DNAH12: variants seen among roughly 807,000 people sequenced by gnomAD.
DNAH12 encodes axonemal beta dynein heavy chain 12.
A neutral mutation model predicts 371.5 loss-of-function variants in DNAH12; 285 were observed. The observed-to-expected ratio is 0.77, with a 90% CI of 0.70 to 0.85. The LOEUF (loss-of-function observed/expected upper bound fraction) is 0.85, where lower values mean the gene tolerates loss of function less well. Among genes scored for constraint, DNAH12 ranks in the 40% least tolerant of loss-of-function variants. The pLI is 0.00. For synonymous variants in DNAH12, 1,200 were observed against 1,213.0 expected, an observed-to-expected ratio of 0.99 and a Z score of 0.22; for missense variants, 3,611 against 3,689.4, an observed-to-expected ratio of 0.98 and a Z score of 0.55.
chr3:57,323,907 G>T (rs988178942), intron 62 of DNAH12, among the ~76,000 whole-genome samples: 1 of 152,156 alleles, frequency 6.6e-6, no homozygotes, highest in African/African-American at 2.4e-5. Context: ...TTATAGCAGA[G>T]ATTGCATATT....
Position 57,405,751 on chromosome 3 carries a change from G to T in DNAH12, c.6478C>A (p.Arg2160=). ...FYDRLINDDD[R]RWLFQLTKTV... Reference sequence around the variant, plus strand: ...TTAGTTAACTGGAACAGCCATCTTCGATCATCATCATTAATGAGGCGATCA... The same window carrying T: ...TTAGTTAACTGGAACAGCCATCTTCTATCATCATCATTAATGAGGCGATCA... The change falls in exon 41 of 74, where the codon CGA becomes AGA. Residue 2160 remains arginine, a synonymous_variant. Coordinates refer to ENST00000495027, the MANE Select transcript of DNAH12 (RefSeq NM_001366028.2). 4 of 1,551,518 alleles carry T rather than the reference G, an allele frequency of 2.6e-6. No individual in the cohort carries two copies. Among genetic ancestry groups the T allele is most frequent in the Non-Finnish European group, 3.5e-6 (4 of 1,146,958 alleles).
At chr3:57,374,375 CTT>C (rs2063238375) in intron 55 of DNAH12, among the ~76,000 whole-genome samples, 2 of 152,050 alleles carry the variant, frequency 1.3e-5, no homozygotes, top group Non-Finnish European at 2.9e-5. Context: ...CATGAAAAGA[CTT>C]TTAAAATTAG....
intron 39 of DNAH12, 102 bp from the exon 40 acceptor site, chr3:57,408,637 C>T (rs1385122558): frequency 7.6e-7 from 1 of 1,323,294 alleles, no homozygotes; most frequent in East Asian, 2.8e-5. Context: ...TTTAGCTTCT[C>T]TAAAAGGAAT....
chr3:57,425,365 A>AG, intron 34 of DNAH12, among the ~76,000 whole-genome samples: 1 of 151,928 alleles, frequency 6.6e-6, no homozygotes, highest in African/African-American at 2.4e-5. Flanking sequence ...CTCCTACCTC[A>AG]GCCTCTCAAG....
At chr3:57,323,281 TGGTCACACTAC>T in intron 63 of DNAH12, 21 bp from the exon 64 acceptor site, 1 of 1,546,954 alleles carries the variant, frequency 6.5e-7, no homozygotes, top group Non-Finnish European at 8.7e-7. Flanking sequence ...CACAAAAAAA[TGGTCACACTAC>T]TTACTCTAAA....
chr3:57,451,542 G>T (rs566966047), intron 25 of DNAH12, among the ~76,000 whole-genome samples: 1 of 152,194 alleles, frequency 6.6e-6, no homozygotes, highest in Admixed American at 6.5e-5. Flanking sequence ...GGAGGCTGAG[G>T]TAGGAGGATC....
At position 57,362,117 on chromosome 3, in the gene DNAH12, G is replaced by A. The variant is rs2062950791; in HGVS notation, c.9360+1477C>T. On this transcript the variant is annotated intron_variant, in intron 58 of 73. Coordinates refer to ENST00000495027, the MANE Select transcript of DNAH12 (RefSeq NM_001366028.2). ...CTATGAGTAAGAACATGCAGTGTTT[G>A]GTTTTCTGTCCTTGCAATAGTTTGC... Among the ~76,000 whole-genome samples, 2 of 151,230 alleles carry A rather than the reference G, an allele frequency of 1.3e-5. 1 individual carries two copies. The highest frequency in any genetic ancestry group is 4.2e-4 in the South Asian group (2 of 4,788).
Position 57,521,544 on chromosome 3 carries a change from G to A in DNAH12, c.279+2039C>T, listed in dbSNP as rs150082028. On this transcript the variant is annotated intron_variant, in intron 4 of 73. Coordinates refer to ENST00000495027, the MANE Select transcript of DNAH12 (RefSeq NM_001366028.2). ...AAATCAGCTGGCTATACTTGTGTGCGTCTATTTCTAGGTCATCTATTCTGT... is the reference window on the plus strand; with the variant it reads ...AAATCAGCTGGCTATACTTGTGTGCATCTATTTCTAGGTCATCTATTCTGT... 3.1e-3 allele frequency among the ~76,000 whole-genome samples: 477 copies of A among 152,216 alleles called. 2 individuals carry two copies. The highest frequency in any genetic ancestry group is 0.011 in the African/African-American group (448 of 41,536).
At chr3:57,334,028 G>T (rs1466042631) in intron 62 of DNAH12, among the ~76,000 whole-genome samples, 1 of 152,032 alleles carries the variant, frequency 6.6e-6, no homozygotes, top group Non-Finnish European at 1.5e-5. Flanking sequence ...AAATTTTTTA[G>T]AGATGAAATA....
At position 57,401,278 on chromosome 3, in the gene DNAH12, G is replaced by A. The variant is rs1049916251; in HGVS notation, c.6948+2031C>T. On this transcript the variant is annotated intron_variant, in intron 43 of 73. Coordinates refer to ENST00000495027, the MANE Select transcript of DNAH12 (RefSeq NM_001366028.2). Reference sequence around the variant, plus strand: ...TATTGAAAAAGAAGAGGCCAGACGCGGTGGCTGACATCTGTAATCCTAGCA... The same window carrying A: ...TATTGAAAAAGAAGAGGCCAGACGCAGTGGCTGACATCTGTAATCCTAGCA... Among the ~76,000 whole-genome samples, 13 of 151,878 alleles carry A rather than the reference G, an allele frequency of 8.6e-5. 1 individual carries two copies. The highest frequency in any genetic ancestry group is 4.2e-4 in the South Asian group (2 of 4,802).
intron 65 of DNAH12, among the ~76,000 whole-genome samples, chr3:57,321,197 C>A (rs1336165275): frequency 1.3e-5 from 2 of 152,174 alleles, no homozygotes; most frequent in African/African-American, 4.8e-5. Flanking sequence ...AGACACCATA[C>A]TATCTTCTCC....
chr3:57,320,653 C>T (rs2061784812), intron 65 of DNAH12, among the ~76,000 whole-genome samples: 1 of 152,110 alleles, frequency 6.6e-6, no homozygotes, highest in Non-Finnish European at 1.5e-5. Context: ...CAATGGTTTT[C>T]AAAGTGTGAT....
At chr3:57,356,034 T>A (rs1412276761) in intron 59 of DNAH12, among the ~76,000 whole-genome samples, 13 of 152,342 alleles carry the variant, frequency 8.5e-5, no homozygotes, top group Admixed American at 8.5e-4. Context: ...CGAATTTGCC[T>A]GTAGGCATGC....
chr3:57,502,550 C>CT (rs528319506), intron 9 of DNAH12, 71 bp from the exon 10 acceptor site: 4,817 of 948,172 alleles, frequency 5.1e-3, no homozygotes, highest in East Asian at 6.5e-3. Context: ...ATATGTAGAT[C>CT]TTTTTTTTTT....
chr3:57,480,169 G>A lies in DNAH12; in HGVS notation c.1650+3207C>T, dbSNP rs370227505. 2.0e-3 allele frequency among the ~76,000 whole-genome samples: 278 copies of A among 142,346 alleles called. No homozygotes were observed. In the East Asian group the frequency reaches 0.021, roughly 11 times the overall value. 93.4% of individuals were successfully genotyped at this position (142,346 alleles called of 152,430 possible). The stretch of plus-strand genomic sequence containing the variant: ...AAAAGATCAACAAAATTGATAGACC[G>A]CTAGCAAGACTAATAAAGAAGAAAA... On this transcript the variant is annotated intron_variant, in intron 13 of 73. Transcript: ENST00000495027.
At chr3:57,383,211 C>T (rs2063432022) in intron 49 of DNAH12, among the ~76,000 whole-genome samples, 1 of 152,138 alleles carries the variant, frequency 6.6e-6, no homozygotes, top group African/African-American at 2.4e-5. Flanking sequence ...TCCAACAATT[C>T]TGTAATCCAT....
intron 4 of DNAH12, 91 bp from the exon 5 acceptor site, chr3:57,511,070 C>T (rs1575709686): frequency 4.5e-6 from 4 of 887,062 alleles, no homozygotes; most frequent in Non-Finnish European, 6.3e-6. Flanking sequence ...AACATTTTTT[C>T]AGATTAAAAA....
Position 57,461,528 on chromosome 3 carries a change from T to C in DNAH12, c.2697A>G (p.Arg899=), listed in dbSNP as rs1301558436. 1.3e-6 allele frequency: 2 copies of C among 1,551,376 alleles called. No individual in the cohort carries two copies. Among genetic ancestry groups the C allele is most frequent in the East Asian group, 4.9e-5 (2 of 40,846 alleles). Residue 899 remains arginine (R), a synonymous_variant, in exon 19 of 74, where the codon AGA becomes AGG. Transcript: ENST00000495027. ...CAAATGGTTTGATGAAAGGTGAGCC[T>C]CTCATTGTCTGAGTTTTTATAATTT... ...DDQIIKTQTM[R]GSPFIKPFEH... is the part of the protein sequence containing the mutation.
intron 60 of DNAH12, among the ~76,000 whole-genome samples, chr3:57,344,729 C>T (rs782480344): frequency 8.6e-5 from 13 of 151,984 alleles, no homozygotes; most frequent in South Asian, 2.1e-4. Flanking sequence ...TATATGCAGA[C>T]GCTAAAATGA....
Sources: gnomAD v4.1 joint callset for allele counts (sites outside exome capture counted in the v4.1 genomes callset) on GRCh38, gnomAD v4.1.1 for gene constraint, MANE v1.5 for transcripts, NCBI Gene and HGNC (gene_info 2026-07-23, HGNC 2026-07-21) for gene names.